Variants in DACH1 observed in about 807,000 individuals in gnomAD.
DACH1 encodes dachshund family transcription factor 1.
DACH1 carries 12 observed loss-of-function variants against 54.2 expected under a neutral mutation model. The observed-to-expected ratio is 0.22, with a 90% CI of 0.14 to 0.36. DACH1 has a LOEUF of 0.36. Among genes scored for constraint, DACH1 ranks in the 10% least tolerant of loss-of-function variants. The pLI, the probability that DACH1 is intolerant of heterozygous loss-of-function variation, is 1.00. For missense variants in DACH1, 805 were observed against 929.8 expected, an observed-to-expected ratio of 0.87 and a Z score of 1.75; for synonymous variants, 386 against 366.2, an observed-to-expected ratio of 1.05 and a Z score of -0.62.
At chr13:71,818,019 G>T (rs896769398) in intron 1 of DACH1, among the ~76,000 whole-genome samples, 2 of 151,690 alleles carry the variant, frequency 1.3e-5, no homozygotes, top group African/African-American at 4.8e-5. Context: ...CACCATGCTG[G>T]CCAGACTGGT....
intron 6 of DACH1, among the ~76,000 whole-genome samples, chr13:71,529,109 T>C (rs532745571): frequency 3.9e-5 from 6 of 151,928 alleles, no homozygotes; most frequent in Admixed American, 6.5e-5. Flanking sequence ...AAAGCACTTC[T>C]TATGTGCCAG....
chr13:71,578,675 T>G (rs938339386), intron 3 of DACH1, among the ~76,000 whole-genome samples: 3 of 152,104 alleles, frequency 2.0e-5, no homozygotes, highest in African/African-American at 7.2e-5. Flanking sequence ...ACTACTAAAA[T>G]GAGAAAAGAA....
At chr13:71,825,460 C>A (rs972990933) in intron 1 of DACH1, among the ~76,000 whole-genome samples, 1 of 152,074 alleles carries the variant, frequency 6.6e-6, no homozygotes, top group Non-Finnish European at 1.5e-5. Flanking sequence ...TTAAGTGTCA[C>A]TTTCCACCCC....
At chr13:71,553,013 C>G (rs1210540949) in intron 6 of DACH1, among the ~76,000 whole-genome samples, 2 of 147,752 alleles carry the variant, frequency 1.4e-5, no homozygotes, top group Non-Finnish European at 3.0e-5. Flanking sequence ...GAAACCCTGT[C>G]TCTACTAAAA....
chr13:71,531,613 C>A (rs557824563), intron 6 of DACH1, among the ~76,000 whole-genome samples: 1 of 151,598 alleles, frequency 6.6e-6, no homozygotes, highest in South Asian at 2.1e-4. Flanking sequence ...CCTGTTAACT[C>A]CTGAAATATT....
intron 2 of DACH1, among the ~76,000 whole-genome samples, chr13:71,631,657 C>T (rs895507833): frequency 6.6e-6 from 1 of 152,144 alleles, no homozygotes; most frequent in African/African-American, 2.4e-5. Flanking sequence ...CCTTACTTTA[C>T]AGATTAGAAA....
intron 6 of DACH1, among the ~76,000 whole-genome samples, chr13:71,546,180 C>T (rs1883454056): frequency 6.6e-6 from 1 of 152,032 alleles, no homozygotes; most frequent in African/African-American, 2.4e-5. Context: ...ATCATCCTAT[C>T]AACTGTTTCC....
intron 1 of DACH1, among the ~76,000 whole-genome samples, chr13:71,706,088 T>C (rs959481771): frequency 6.6e-6 from 1 of 152,042 alleles, no homozygotes; most frequent in Non-Finnish European, 1.5e-5. Context: ...CTTCAAGTCA[T>C]GTAAAAATTC....
chr13:71,732,273 C>T (rs934927046), intron 1 of DACH1, among the ~76,000 whole-genome samples: 1 of 152,020 alleles, frequency 6.6e-6, no homozygotes. Flanking sequence ...GTTTAATTAC[C>T]TCTCCTTTTT....
chr13:71,807,685 T>G (rs778498136), intron 1 of DACH1, among the ~76,000 whole-genome samples: 1 of 152,208 alleles, frequency 6.6e-6, no homozygotes, highest in Non-Finnish European at 1.5e-5. Context: ...ACATCGATGT[T>G]AATATCAACT....
chr13:71,484,805 C>A (rs1410080963), intron 7 of DACH1, among the ~76,000 whole-genome samples: 1 of 152,102 alleles, frequency 6.6e-6, no homozygotes, highest in African/African-American at 2.4e-5. Context: ...CGGTGGCTCA[C>A]GCCTGTAACC....
At position 71,475,800 on chromosome 13, in the gene DACH1, C is replaced by A. The variant is rs1424136416; in HGVS notation, c.1920G>T (p.Leu640Phe). ...LKKEKKAKRKLQEALEFETKR... is the reference protein window; with the variant it reads ...LKKEKKAKRKFQEALEFETKR... ...TCGTCTCAAACTCAAGTGCTTCCTG[C>A]AATTTTCTCTTTGCCTTCTTCTCCT... Residue 640 changes from leucine to phenylalanine, a missense_variant, in exon 9 of 11, where the codon TTG (leucine) becomes TTT (phenylalanine). Leu to Phe is a conservative substitution (Grantham distance 22, BLOSUM62 0). Coordinates refer to ENST00000613252, the MANE Select transcript of DACH1 (RefSeq NM_080759.6). The A allele has an allele frequency of 6.2e-7, 1 of 1,613,530 alleles. No homozygotes were observed. Among genetic ancestry groups the A allele is most frequent in the African/African-American group, 1.3e-5 (1 of 74,958 alleles).
intron 1 of DACH1, among the ~76,000 whole-genome samples, chr13:71,735,010 TTATA>T (rs936199293): frequency 1.3e-5 from 2 of 148,494 alleles, no homozygotes; most frequent in African/African-American, 2.5e-5. Flanking sequence ...CACAGGATAT[TTATA>T]TATACACACA....
intron 1 of DACH1, among the ~76,000 whole-genome samples, chr13:71,757,721 C>T (rs1885228669): frequency 6.6e-6 from 1 of 152,002 alleles, no homozygotes; most frequent in South Asian, 2.1e-4. Context: ...TGGGGCTTCA[C>T]CATGTTGGCC....
intron 2 of DACH1, among the ~76,000 whole-genome samples, chr13:71,648,885 A>T (rs2138617437): frequency 6.6e-6 from 1 of 152,296 alleles, no homozygotes; most frequent in African/African-American, 2.4e-5. Context: ...CTACTGAAGG[A>T]GATGCCACTA....
chr13:71,512,659 T>C (rs1356539020), intron 6 of DACH1, among the ~76,000 whole-genome samples: 3 of 151,936 alleles, frequency 2.0e-5, no homozygotes, highest in African/African-American at 4.8e-5. Flanking sequence ...ATCCTGAACA[T>C]ATCAAACTCC....
chr13:71,846,009 T>A lies in DACH1; in HGVS notation c.848+19913A>T, dbSNP rs201796770. ...TCTGGAAGGCTGTGGTCGAAGGCCA[T>A]TTTTTTTTGCTAGTTATAAGCGGAG... On this transcript the variant is annotated intron_variant, in intron 1 of 10. Coordinates refer to ENST00000613252, the MANE Select transcript of DACH1 (RefSeq NM_080759.6). 1.4e-4 allele frequency: 21 copies of A among 147,530 alleles called. No individual in the cohort carries two copies. In the East Asian group the frequency reaches 6.3e-3, roughly 44 times the overall value. The allele number at this position is 147,530 out of a possible 1,614,324, so 9.1% of individuals were successfully genotyped here. A position where few individuals can be genotyped will look rare whatever the true frequency, so the allele number is the denominator to read the frequency against.
At chr13:71,683,887 A>G (rs1052407544) in intron 1 of DACH1, among the ~76,000 whole-genome samples, 3 of 151,998 alleles carry the variant, frequency 2.0e-5, no homozygotes, top group Non-Finnish European at 2.9e-5. Flanking sequence ...TGTGCTGGAA[A>G]TCTCTGCTCG....
intron 1 of DACH1, among the ~76,000 whole-genome samples, chr13:71,737,241 G>A (rs1235260423): frequency 6.6e-6 from 1 of 151,972 alleles, no homozygotes; most frequent in Non-Finnish European, 1.5e-5. Context: ...GAAAAAAAAA[G>A]TTGAAGGGAA....
Sources: allele counts gnomAD v4.1 joint callset (sites outside exome capture counted in the v4.1 genomes callset), GRCh38; gene constraint gnomAD v4.1.1; transcripts MANE v1.5; gene names NCBI Gene and HGNC (gene_info 2026-07-23, HGNC 2026-07-21).